The following ZNF518A variants were observed in gnomAD, a reference collection of about 807,000 sequenced individuals.
ZNF518A encodes zinc finger protein 518A, also known as zinc finger protein 518.
In ZNF518A, 47 loss-of-function variants were observed where a neutral mutation model predicts 102.7. The ratio of observed to expected loss-of-function variants is 0.46; its 90% CI spans 0.36 to 0.58. ZNF518A has a LOEUF of 0.58. ZNF518A is among the 20% of genes least tolerant of loss of function. The pLI, the probability that ZNF518A is intolerant of heterozygous loss-of-function variation, is 0.00. For synonymous variants in ZNF518A, 652 were observed against 594.6 expected (o/e 1.10, Z -1.40); for missense variants, 1,793 against 1,699.8 (o/e 1.05, Z -0.96).
intron 3 of ZNF518A, among the ~76,000 whole-genome samples, chr10:96,139,592 C>CT (rs1342697139): frequency 6.6e-6 from 1 of 152,182 alleles, no homozygotes; most frequent in Non-Finnish European, 1.5e-5. Flanking sequence ...CTATGGTACT[C>CT]TGTTACAGCA....
At chr10:96,171,531 A>T (rs1296218642) in intron 1 of ZNF518A, among the ~76,000 whole-genome samples, 10 of 152,202 alleles carry the variant, frequency 6.6e-5, no homozygotes, top group African/African-American at 2.4e-4. Flanking sequence ...AAAGGTGTTT[A>T]AAGGAAATAC....
downstream of ZNF518A, among the ~76,000 whole-genome samples, chr10:96,167,024 C>G (rs1175609171): frequency 6.6e-6 from 1 of 152,074 alleles, no homozygotes; most frequent in Non-Finnish European, 1.5e-5. Flanking sequence ...ATCTGTGTTA[C>G]CTAAAATGTC....
chr10:96,202,690 C>T (rs886801862), intron 1 of ZNF518A, among the ~76,000 whole-genome samples: 1 of 152,166 alleles, frequency 6.6e-6, no homozygotes, highest in Non-Finnish European at 1.5e-5. Context: ...AGGGGAACAG[C>T]ACTCCCAGGT....
chr10:96,139,870 T>A (rs1395954009), intron 3 of ZNF518A, among the ~76,000 whole-genome samples: 3 of 152,128 alleles, frequency 2.0e-5, no homozygotes, highest in Non-Finnish European at 2.9e-5. Context: ...TTGTTTTTAT[T>A]TTTTCGAGAC....
intron 3 of ZNF518A, among the ~76,000 whole-genome samples, chr10:96,135,824 CAG>C (rs1191204038): frequency 9.2e-5 from 14 of 152,240 alleles, no homozygotes; most frequent in Non-Finnish European, 1.5e-4. Flanking sequence ...ACAGAAAAAA[CAG>C]ATAAATGAAT....
chr10:96,136,063 A>G (rs1554874297), intron 3 of ZNF518A, among the ~76,000 whole-genome samples: 1 of 152,138 alleles, frequency 6.6e-6, no homozygotes, highest in African/African-American at 2.4e-5. Context: ...TTCTTTGGAA[A>G]TGAGGTAGTG....
chr10:96,175,620 A>T (rs10882736), intron 1 of ZNF518A, among the ~76,000 whole-genome samples: 1 of 152,004 alleles, frequency 6.6e-6, no homozygotes, highest in South Asian at 2.1e-4. Flanking sequence ...AGTGGAAGCC[A>T]CATTGGTTAT....
chr10:96,165,126 CATTT>C (rs1184718576), downstream of ZNF518A, among the ~76,000 whole-genome samples: 1 of 151,978 alleles, frequency 6.6e-6, no homozygotes, highest in Non-Finnish European at 1.5e-5. Context: ...AAAGAAGACC[CATTT>C]ATTTATTTTT....
intron 3 of ZNF518A, among the ~76,000 whole-genome samples, chr10:96,144,135 G>A (rs192542005): frequency 6.6e-6 from 1 of 152,138 alleles, no homozygotes. Context: ...ACAGGTGCAT[G>A]CCACCATGCT....
intron 1 of ZNF518A, among the ~76,000 whole-genome samples, chr10:96,194,617 A>G (rs1554894241): frequency 6.6e-6 from 1 of 152,220 alleles, no homozygotes; most frequent in African/African-American, 2.4e-5. Flanking sequence ...GTTAATATCC[A>G]GAAACATAAA....
intron 3 of ZNF518A, among the ~76,000 whole-genome samples, chr10:96,140,657 G>A (rs1259566743): frequency 6.6e-6 from 1 of 152,080 alleles, no homozygotes; most frequent in African/African-American, 2.4e-5. Context: ...CTGCCAGGGT[G>A]TGGTGGCTTA....
Position 96,159,698 on chromosome 10 carries a change from A to G in ZNF518A, c.3376A>G (p.Ser1126Gly), listed in dbSNP as rs782781667. The change falls in exon 6 of 6, where the codon AGT becomes GGT. Residue 1126 changes from serine (S) to glycine (G), a missense_variant. Coordinates refer to ENST00000316045, the MANE Select transcript of ZNF518A (RefSeq NM_001330736.2). ...GCTTAAGCCCAAATTAGTCCAAAATAGTACTTATCAAAATATACAGCCAAA... is the reference window on the plus strand; with the variant it reads ...GCTTAAGCCCAAATTAGTCCAAAATGGTACTTATCAAAATATACAGCCAAA... ...ELLKPKLVQN[S>G]TYQNIQPKKP... is the part of the protein sequence containing the mutation. The G allele has an allele frequency of 4.3e-6, 7 of 1,613,330 alleles. No individual in the cohort carries two copies. In the South Asian group the frequency reaches 7.7e-5, roughly 18 times the overall value.
At chr10:96,131,040 C>A (rs1369335521) in intron 1 of ZNF518A, among the ~76,000 whole-genome samples, 5 of 152,134 alleles carry the variant, frequency 3.3e-5, no homozygotes, top group African/African-American at 1.2e-4. Context: ...AATTTGAGAG[C>A]AAGTAGTGTA....
rs1211617469 is a variant in ZNF518A, at chr10:96,133,661, A to G, written c.-302+13A>G. 6.6e-6 allele frequency: 1 copy of G among 152,210 alleles called. No individual in the cohort carries two copies. The highest frequency in any genetic ancestry group is 1.5e-5 in the Non-Finnish European group (1 of 68,018). 9.4% of individuals were successfully genotyped at this position (152,210 alleles called of 1,614,324 possible). On this transcript the variant is annotated intron_variant, in intron 3 of 5. Coordinates refer to ENST00000316045, the MANE Select transcript of ZNF518A (RefSeq NM_001330736.2). ...TCCTCTAAATGCAGTAAGTATACAC[A>G]TAAGTATGACCGTAAATTAGGAATA...
chr10:96,130,287 G>T (rs142909538), upstream of ZNF518A, among the ~76,000 whole-genome samples: 1 of 152,322 alleles, frequency 6.6e-6, no homozygotes, highest in African/African-American at 2.4e-5. Flanking sequence ...GCCATTCAGC[G>T]CTTCCGCTTA....
chr10:96,132,924 A>G (rs1365576071), intron 2 of ZNF518A: 2 of 152,126 alleles, frequency 1.3e-5, no homozygotes, highest in Middle Eastern at 3.2e-3. Context: ...AAGAAAAAGA[A>G]AAAAAGAATG....
In ZNF518A at chr10:96,158,805, A is replaced by C. The variant is rs199601011; in HGVS notation, c.2483A>C (p.Glu828Ala). The change falls in exon 6 of 6, where the codon GAA (glutamate) becomes GCA (alanine). Residue 828 changes from glutamate (E) to alanine (A), a missense_variant. Physicochemically the swap from Glu to Ala is moderately radical, Grantham distance 107. Transcript: ENST00000316045. ...QKHEREGKIV[E>A]SSKDFKVQGI... Reference sequence around the variant, plus strand: ...CACGAGAGAGAAGGCAAAATTGTTGAATCTTCGAAAGATTTCAAAGTGCAA... The same window carrying C: ...CACGAGAGAGAAGGCAAAATTGTTGCATCTTCGAAAGATTTCAAAGTGCAA... 626 of 1,613,750 alleles carry C rather than the reference A, an allele frequency of 3.9e-4. 11 individuals carry two copies. The South Asian group carries it at 6.6e-3, about 17-fold the overall frequency.
intron 3 of ZNF518A, among the ~76,000 whole-genome samples, chr10:96,153,538 C>T (rs2082552139): frequency 6.6e-6 from 1 of 152,144 alleles, no homozygotes; most frequent in Non-Finnish European, 1.5e-5. Flanking sequence ...AATACAAACT[C>T]CTCTAATGTC....
At chr10:96,198,586 C>T (rs868943859) in intron 1 of ZNF518A, among the ~76,000 whole-genome samples, 2 of 152,198 alleles carry the variant, frequency 1.3e-5, no homozygotes, top group African/African-American at 4.8e-5. Flanking sequence ...GAGCTTCATA[C>T]AGAACAACAC....
Sources: allele counts gnomAD v4.1 joint callset (sites outside exome capture counted in the v4.1 genomes callset), GRCh38; gene constraint gnomAD v4.1.1; transcripts MANE v1.5; gene names NCBI Gene and HGNC (gene_info 2026-07-23, HGNC 2026-07-21).